Variants in STAU2 observed in about 807,000 individuals in gnomAD.
STAU2 encodes the protein staufen double-stranded RNA binding protein 2, also known as double-stranded RNA-binding protein Staufen homolog 2.
STAU2 carries 20 observed loss-of-function variants against 65.9 expected under a neutral mutation model. That is an observed-to-expected ratio of 0.30 (90% CI 0.21 to 0.44). The LOEUF is 0.44. Among genes scored for constraint, STAU2 ranks in the 20% least tolerant of loss-of-function variants. STAU2 has a pLI of 1.00. For missense variants in STAU2, 558 were observed against 683.9 expected (o/e 0.82, Z 2.05); for synonymous variants, 232 against 233.9 (o/e 0.99, Z 0.07).
chr8:73,736,425 C>G (rs1806430241), intron 3 of STAU2, among the ~76,000 whole-genome samples: 1 of 152,140 alleles, frequency 6.6e-6, no homozygotes, highest in Non-Finnish European at 1.5e-5. Flanking sequence ...ACAAGGGAGA[C>G]AGATGTTACA....
intron 3 of STAU2, among the ~76,000 whole-genome samples, chr8:73,709,768 T>C (rs1820758638): frequency 1.3e-5 from 2 of 152,056 alleles, no homozygotes; most frequent in African/African-American, 4.8e-5. Flanking sequence ...TTATTAACCA[T>C]GTTCCATGTT....
chr8:73,508,533 T>C (rs1009570028), intron 13 of STAU2, among the ~76,000 whole-genome samples: 6 of 152,014 alleles, frequency 3.9e-5, no homozygotes, highest in Non-Finnish European at 8.8e-5. Context: ...ACAATAATCA[T>C]AAAAAAGTTG....
At chr8:73,548,432 G>C (rs1318847727) in intron 13 of STAU2, among the ~76,000 whole-genome samples, 3 of 151,770 alleles carry the variant, frequency 2.0e-5, no homozygotes, top group African/African-American at 2.4e-5. Context: ...CCTATACTAA[G>C]TCATATTGTT....
intron 6 of STAU2, chr8:73,669,049 G>A (rs902392690): frequency 3.7e-4 from 207 of 553,796 alleles, no homozygotes; most frequent in Non-Finnish European, 6.0e-4. Context: ...TTCTGACAAG[G>A]AAAAGACATC....
intron 6 of STAU2, among the ~76,000 whole-genome samples, chr8:73,639,604 C>T (rs1814805590): frequency 6.6e-6 from 1 of 152,124 alleles, no homozygotes; most frequent in Non-Finnish European, 1.5e-5. Flanking sequence ...TTCTGTATTA[C>T]AACTGAAACT....
chr8:73,476,953 A>G (rs999880710), intron 13 of STAU2, among the ~76,000 whole-genome samples: 14 of 152,342 alleles, frequency 9.2e-5, no homozygotes, highest in Middle Eastern at 3.4e-3. Flanking sequence ...TAACAACTGC[A>G]GGGGCATAAT....
At chr8:73,623,173 T>G (rs867384943) in intron 6 of STAU2, among the ~76,000 whole-genome samples, 1 of 152,208 alleles carries the variant, frequency 6.6e-6, no homozygotes, top group Non-Finnish European at 1.5e-5. Context: ...TTGTAGCAAC[T>G]TTTTATACCA....
intron 4 of STAU2, among the ~76,000 whole-genome samples, chr8:73,700,727 C>T (rs896857159): frequency 6.6e-6 from 1 of 152,010 alleles, no homozygotes; most frequent in African/African-American, 2.4e-5. Context: ...AACGCATTCC[C>T]TATCAAAATA....
At position 73,460,935 on chromosome 8, in the gene STAU2, G is replaced by A. The variant is rs115763061; in HGVS notation, c.1531-38233C>T. On this transcript the variant is annotated intron_variant, in intron 13 of 14. Coordinates refer to ENST00000524300, the MANE Select transcript of STAU2 (RefSeq NM_001164380.2). Reference sequence around the variant, plus strand: ...CAGCTTAAGACCGAGAGCCTGAACTGTAGCTCTGAGCTTCTGTTTCTGGGG... The same window carrying A: ...CAGCTTAAGACCGAGAGCCTGAACTATAGCTCTGAGCTTCTGTTTCTGGGG... Among the ~76,000 whole-genome samples the A allele has an allele frequency of 2.5e-3, 382 of 152,244 alleles. 2 individuals are homozygous for A. The highest frequency in any genetic ancestry group is 8.7e-3 in the African/African-American group (363 of 41,548).
intron 13 of STAU2, among the ~76,000 whole-genome samples, chr8:73,430,854 GA>G (rs1387969332): frequency 6.6e-6 from 1 of 152,176 alleles, no homozygotes; most frequent in Non-Finnish European, 1.5e-5. Flanking sequence ...AATATTAAAA[GA>G]CACTTTGGAA....
chr8:73,698,518 T>C (rs921494589), intron 4 of STAU2, among the ~76,000 whole-genome samples: 1 of 151,828 alleles, frequency 6.6e-6, no homozygotes, highest in Non-Finnish European at 1.5e-5. Context: ...TCAGAAAAAG[T>C]AGTATAGATT....
rs557167459 is a variant in STAU2 at position 73,471,447 on chromosome 8, C to T, written c.1531-48745G>A. Among the ~76,000 whole-genome samples, 3 of 150,752 alleles carry T rather than the reference C, an allele frequency of 2.0e-5. No individual in the cohort carries two copies. The East Asian group carries it at 5.8e-4, about 29-fold the overall frequency. On this transcript the variant is annotated intron_variant, in intron 13 of 14. Transcript: ENST00000524300. The stretch of plus-strand genomic sequence containing the variant: ...AAGTGATCTGCCTACCTAGGCCTCC[C>T]AAAGTGCTGGGATTACAGGCATGAA...
intron 4 of STAU2, among the ~76,000 whole-genome samples, chr8:73,708,598 T>C (rs1820677681): frequency 6.6e-6 from 1 of 152,184 alleles, no homozygotes; most frequent in Admixed American, 6.6e-5. Context: ...AAAAGATGTC[T>C]CACTAGGTAA....
At chr8:73,638,081 A>G (rs1814681301) in intron 6 of STAU2, among the ~76,000 whole-genome samples, 1 of 152,110 alleles carries the variant, frequency 6.6e-6, no homozygotes, top group African/African-American at 2.4e-5. Context: ...ATATACATAT[A>G]CATATCCAGA....
chr8:73,533,658 G>C (rs1025533124), intron 13 of STAU2, among the ~76,000 whole-genome samples: 2 of 152,268 alleles, frequency 1.3e-5, no homozygotes, highest in African/African-American at 4.8e-5. Context: ...CACTTTACAA[G>C]GCCAAGGTGT....
At chr8:73,591,193 G>A (rs73686842) in intron 11 of STAU2, among the ~76,000 whole-genome samples, 23,579 of 152,022 alleles carry the variant, frequency 0.16, 1,856 homozygotes, top group African/African-American at 0.18. Flanking sequence ...ATTAGTAACA[G>A]TGAATTGTAC....
chr8:73,522,104 T>C (rs1823074335), intron 13 of STAU2, among the ~76,000 whole-genome samples: 1 of 152,188 alleles, frequency 6.6e-6, no homozygotes, highest in South Asian at 2.1e-4. Flanking sequence ...CTAAGCTACA[T>C]CTACTTACCC....
chr8:73,630,215 T>C (rs994264600), intron 6 of STAU2, among the ~76,000 whole-genome samples: 1 of 152,238 alleles, frequency 6.6e-6, no homozygotes, highest in African/African-American at 2.4e-5. Flanking sequence ...TATGCTCTCC[T>C]TTTCCTGCAT....
At chr8:73,638,836 C>T (rs1274364327) in intron 6 of STAU2, among the ~76,000 whole-genome samples, 2 of 148,032 alleles carry the variant, frequency 1.4e-5, no homozygotes, top group Non-Finnish European at 3.0e-5. Context: ...CATATTCTTA[C>T]TAGATTTAGT....
Sources: gnomAD v4.1 joint callset for allele counts (sites outside exome capture counted in the v4.1 genomes callset) on GRCh38, gnomAD v4.1.1 for gene constraint, MANE v1.5 for transcripts, NCBI Gene and HGNC (gene_info 2026-07-23, HGNC 2026-07-21) for gene names.